The following TPGS2 variants were observed in gnomAD, a reference collection of about 807,000 sequenced individuals.
The protein encoded by TPGS2 is tubulin polyglutamylase complex subunit 2, also known as polyglutamylase subunit 2.
A neutral mutation model predicts 31.1 loss-of-function variants in TPGS2; 26 were observed. That is an observed-to-expected ratio of 0.84 (90% CI 0.61 to 1.16). The LOEUF (loss-of-function observed/expected upper bound fraction) is 1.16. Ranked by LOEUF, TPGS2 falls within the 50% of genes most tolerant of loss-of-function variation. The pLI is 0.00. For missense variants in TPGS2, 351 were observed against 363.8 expected (o/e 0.96, Z 0.29); for synonymous variants, 130 against 136.6 (o/e 0.95, Z 0.34).
chr18:36,807,877 A>T lies in TPGS2; in HGVS notation c.223T>A (p.Phe75Ile). Residue 75 changes from phenylalanine (F) to isoleucine (I), a missense_variant, in exon 3 of 7, where the codon TTC (phenylalanine) becomes ATC (isoleucine). Phe to Ile is a conservative substitution (Grantham distance 21). Transcript: ENST00000334295. Reference sequence around the variant, plus strand: ...AGCTTCACACTCCATGTCATGTGGAAGCCATTGGTCATCAGGTAAAAGTTC... The same window carrying T: ...AGCTTCACACTCCATGTCATGTGGATGCCATTGGTCATCAGGTAAAAGTTC... Reference protein sequence around the residue: ...VKNFYLMTNGFHMTWSVKLDE... With the variant: ...VKNFYLMTNGIHMTWSVKLDE... 1.2e-5 allele frequency: 19 copies of T among 1,614,200 alleles called. No individual in the cohort carries two copies. Among genetic ancestry groups the T allele is most frequent in the Non-Finnish European group, 1.6e-5 (19 of 1,180,026 alleles).
chr18:36,798,243 G>A, intron 6 of TPGS2: 1 of 1,395,740 alleles, frequency 7.2e-7, no homozygotes, highest in South Asian at 1.7e-5. Flanking sequence ...CTGAGAATCA[G>A]TCAAGTTTGG....
intron 6 of TPGS2, among the ~76,000 whole-genome samples, chr18:36,784,212 A>T (rs573968913): frequency 6.6e-6 from 1 of 152,252 alleles, no homozygotes; most frequent in Non-Finnish European, 1.5e-5. Context: ...TCCTCACGGT[A>T]TCCTCTAAGA....
At chr18:36,826,469 G>C (rs1209366932) in intron 1 of TPGS2, among the ~76,000 whole-genome samples, 1 of 148,408 alleles carries the variant, frequency 6.7e-6, no homozygotes, top group Non-Finnish European at 1.5e-5. Flanking sequence ...TTATATACAA[G>C]ATCATGTCAT....
At chr18:36,820,901 T>C (rs2045865221) in intron 1 of TPGS2, 1 of 152,230 alleles carries the variant, frequency 6.6e-6, no homozygotes. Context: ...TTGTGACCAA[T>C]GACAAGCATT....
intron 6 of TPGS2, chr18:36,786,910 T>C: frequency 8.1e-7 from 1 of 1,234,390 alleles, no homozygotes; most frequent in Non-Finnish European, 1.0e-6. Flanking sequence ...GCTGTTGGAT[T>C]GGCGCCTGCT....
downstream of TPGS2, among the ~76,000 whole-genome samples, chr18:36,792,517 A>G (rs1386414368): frequency 6.6e-6 from 1 of 152,240 alleles, no homozygotes; most frequent in Non-Finnish European, 1.5e-5. Flanking sequence ...GAATAAAAAC[A>G]GATTTTGAAT....
chr18:36,784,122 A>G (rs2044077187), intron 6 of TPGS2, among the ~76,000 whole-genome samples: 1 of 152,216 alleles, frequency 6.6e-6, no homozygotes, highest in Non-Finnish European at 1.5e-5. Flanking sequence ...TAGCTCAATA[A>G]AACTAATGTT....
chr18:36,781,376 G>A (rs143601777), downstream of TPGS2, among the ~76,000 whole-genome samples: 32 of 152,244 alleles, frequency 2.1e-4, no homozygotes, highest in East Asian at 4.8e-3. Context: ...TCTGTAGGCC[G>A]GGTGCGGTGG....
At chr18:36,806,571 G>C (rs1182617406) in intron 3 of TPGS2, among the ~76,000 whole-genome samples, 7 of 152,204 alleles carry the variant, frequency 4.6e-5, no homozygotes, top group Admixed American at 3.3e-4. Flanking sequence ...AAGTACCTCT[G>C]GCTGGGTGCG....
downstream of TPGS2, among the ~76,000 whole-genome samples, chr18:36,781,026 T>C (rs1175950877): frequency 6.6e-6 from 1 of 152,228 alleles, no homozygotes; most frequent in African/African-American, 2.4e-5. Flanking sequence ...TCCATTATAA[T>C]CTTATGGGAC....
chr18:36,826,288 G>A (rs2046130280), intron 1 of TPGS2, among the ~76,000 whole-genome samples: 1 of 152,170 alleles, frequency 6.6e-6, no homozygotes, highest in Non-Finnish European at 1.5e-5. Context: ...TGGCCTCCCA[G>A]TGTTGGGATT....
intron 2 of TPGS2, among the ~76,000 whole-genome samples, chr18:36,817,019 A>G (rs181001745): frequency 6.6e-6 from 1 of 152,352 alleles, no homozygotes; most frequent in East Asian, 1.9e-4. Context: ...AACAACATCA[A>G]TGAGGCCAGA....
intron 2 of TPGS2, among the ~76,000 whole-genome samples, chr18:36,809,247 G>T (rs1390696682): frequency 2.6e-5 from 4 of 152,164 alleles, no homozygotes; most frequent in Non-Finnish European, 4.4e-5. Flanking sequence ...ACGAGGGGGT[G>T]TGAGTTTGAC....
intron 1 of TPGS2, among the ~76,000 whole-genome samples, chr18:36,819,899 A>G (rs1422498952): frequency 6.6e-6 from 1 of 152,194 alleles, no homozygotes; most frequent in Non-Finnish European, 1.5e-5. Flanking sequence ...CCTCCTCATA[A>G]AAAGAACAAC....
downstream of TPGS2, among the ~76,000 whole-genome samples, chr18:36,780,551 T>C (rs531412389): frequency 1.3e-5 from 2 of 152,238 alleles, no homozygotes; most frequent in East Asian, 3.9e-4. Context: ...TGCTGAGAAA[T>C]GTGTTGTTAG....
Position 36,794,477 on chromosome 18 carries a change from T to G in TPGS2, c.*2328A>C. The G allele has an allele frequency of 2.0e-6, 2 of 985,406 alleles. No homozygotes were observed. Among genetic ancestry groups the G allele is most frequent in the African/African-American group, 3.5e-5 (2 of 57,334 alleles). The allele number at this position is 985,406 out of a possible 1,614,324, so 61.0% of individuals were successfully genotyped here. A position where few individuals can be genotyped will look rare whatever the true frequency, so the allele number is the denominator to read the frequency against. On this transcript the variant is annotated 3_prime_UTR_variant, in exon 7 of 7. Transcript: ENST00000334295. The stretch of plus-strand genomic sequence containing the variant: ...TTCACTTGTGGAATCCAGGGCTGAT[T>G]TAGAAATGCTGTGATTCGGGGGATC...
chr18:36,794,734 T>G lies in TPGS2; in HGVS notation c.*2071A>C. On this transcript the variant is annotated 3_prime_UTR_variant, in exon 7 of 7. Coordinates refer to ENST00000334295, the MANE Select transcript of TPGS2 (RefSeq NM_015476.4). ...ATATCCTTTTCTGCCACTCCATGAA[T>G]TGTTGCACATTTATAAATCCTTGAA... The G allele has an allele frequency of 3.0e-6, 3 of 985,302 alleles. No homozygotes were observed. Among genetic ancestry groups the G allele is most frequent in the Non-Finnish European group, 3.6e-6 (3 of 829,930 alleles). 61.0% of individuals were successfully genotyped at this position (985,302 alleles called of 1,614,324 possible).
At chr18:36,788,111 A>G (rs1283002832) in intron 6 of TPGS2, among the ~76,000 whole-genome samples, 2 of 152,162 alleles carry the variant, frequency 1.3e-5, no homozygotes, top group Non-Finnish European at 2.9e-5. Context: ...TTGTGCTTGA[A>G]TTCTGTTTCT....
chr18:36,786,777 A>G, intron 6 of TPGS2: 1 of 1,230,100 alleles, frequency 8.1e-7, no homozygotes. Context: ...CCCCTTGGCC[A>G]GCAGAGAGTC....
Sources: gnomAD v4.1 joint callset for allele counts (sites outside exome capture counted in the v4.1 genomes callset) on GRCh38, gnomAD v4.1.1 for gene constraint, MANE v1.5 for transcripts, NCBI Gene and HGNC (gene_info 2026-07-23, HGNC 2026-07-21) for gene names.